SGCD: variants seen among roughly 807,000 people sequenced by gnomAD.
SGCD encodes the protein sarcoglycan delta, also known as delta-sarcoglycan.
In SGCD, 18 loss-of-function variants were observed where a neutral mutation model predicts 36.6. The ratio of observed to expected loss-of-function variants is 0.49; its 90% CI spans 0.34 to 0.73. The LOEUF (loss-of-function observed/expected upper bound fraction) is 0.73. Ranked by LOEUF, SGCD falls within the 30% of genes least tolerant of loss-of-function variation. SGCD has a pLI of 0.01. For missense variants in SGCD, 387 were observed against 346.7 expected, an observed-to-expected ratio of 1.12 and a Z score of -0.92; for synonymous variants, 133 against 130.6, an observed-to-expected ratio of 1.02 and a Z score of -0.12.
At chr5:156,192,456 A>G (rs1270361079) in intron 3 of SGCD, among the ~76,000 whole-genome samples, 2 of 152,112 alleles carry the variant, frequency 1.3e-5, no homozygotes, top group African/African-American at 4.8e-5. Context: ...AATGATAGAT[A>G]CCAAAGGCTG....
chr5:156,150,268 A>T (rs1398202345), intron 3 of SGCD, among the ~76,000 whole-genome samples: 2 of 151,824 alleles, frequency 1.3e-5, no homozygotes, highest in African/African-American at 4.9e-5. Context: ...CCCACTTGGG[A>T]TGCTTCTCAA....
intron 6 of SGCD, among the ~76,000 whole-genome samples, chr5:156,632,258 G>A (rs1174756614): frequency 6.6e-6 from 1 of 152,100 alleles, no homozygotes; most frequent in Non-Finnish European, 1.5e-5. Context: ...ATTCTGATTG[G>A]GCAGCCTAGA....
chr5:156,353,636 TG>T (rs1278945094), intron 3 of SGCD, among the ~76,000 whole-genome samples: 1 of 152,330 alleles, frequency 6.6e-6, no homozygotes, highest in East Asian at 1.9e-4. Flanking sequence ...CAGCTTAGCT[TG>T]GGGACTTGGA....
At chr5:156,652,749 G>T (rs928049146) in intron 7 of SGCD, among the ~76,000 whole-genome samples, 1 of 151,904 alleles carries the variant, frequency 6.6e-6, no homozygotes, top group Non-Finnish European at 1.5e-5. Context: ...TATTTGGGGG[G>T]TATGTTCTTT....
At position 155,954,490 on chromosome 5, in the gene SGCD, G is replaced by A. The variant is rs568575619; in HGVS notation, c.-282+84066G>A. Among the ~76,000 whole-genome samples, 43 of 150,916 alleles carry A rather than the reference G, an allele frequency of 2.8e-4. No homozygotes were observed. In the South Asian group the frequency reaches 8.3e-3, roughly 29 times the overall value. ...CATTTGATTAGCGATCTGGGCATGG[G>A]GTTAAAGCAATTCTTAGCACCCCAT... is the stretch of plus-strand genomic sequence containing the variant. On this transcript the variant is annotated intron_variant, in intron 1 of 9. Transcript: ENST00000517913.
chr5:155,744,978 A>G, the SGCD span, among the ~76,000 whole-genome samples: 2 of 152,252 alleles, frequency 1.3e-5, no homozygotes, highest in African/African-American at 4.8e-5. Context: ...TCTTAGAAGC[A>G]TTCAGAGAGC....
chr5:156,345,147 G>T (rs1350940644), intron 3 of SGCD, among the ~76,000 whole-genome samples: 1 of 152,074 alleles, frequency 6.6e-6, no homozygotes, highest in Non-Finnish European at 1.5e-5. Context: ...CCATCACTCT[G>T]GTTAGTTAAG....
intron 3 of SGCD, among the ~76,000 whole-genome samples, chr5:156,178,425 G>C (rs1763522347): frequency 6.6e-6 from 1 of 152,124 alleles, no homozygotes; most frequent in Non-Finnish European, 1.5e-5. Context: ...TTTCAGAGCA[G>C]GACTATACGA....
At chr5:156,171,593 G>A (rs559966060) in intron 3 of SGCD, among the ~76,000 whole-genome samples, 2 of 152,244 alleles carry the variant, frequency 1.3e-5, no homozygotes, top group East Asian at 1.9e-4. Context: ...TTGTGCAAAT[G>A]TTAATTTCTG....
intron 3 of SGCD, among the ~76,000 whole-genome samples, chr5:156,189,012 C>A (rs1763829211): frequency 6.6e-6 from 1 of 152,132 alleles, no homozygotes; most frequent in Non-Finnish European, 1.5e-5. Context: ...AATTTGTGTG[C>A]CTTTTCTCCA....
intron 1 of SGCD, among the ~76,000 whole-genome samples, chr5:155,966,041 T>C (rs1326755421): frequency 6.6e-6 from 1 of 152,098 alleles, no homozygotes; most frequent in Non-Finnish European, 1.5e-5. Flanking sequence ...AAATCATCAT[T>C]AAAAGGTTAC....
At chr5:155,786,347 G>A in the SGCD span, among the ~76,000 whole-genome samples, 1 of 152,100 alleles carries the variant, frequency 6.6e-6, no homozygotes, top group Non-Finnish European at 1.5e-5. Context: ...ACAGTCCCAG[G>A]TTCACATATG....
chr5:156,493,163 G>A (rs181227237), intron 3 of SGCD, among the ~76,000 whole-genome samples: 278 of 152,138 alleles, frequency 1.8e-3, no homozygotes, highest in Admixed American at 2.8e-3. Flanking sequence ...TGGTTGAAAC[G>A]ACATGATGTT....
chr5:155,735,922 G>A, the SGCD span, among the ~76,000 whole-genome samples: 1 of 152,146 alleles, frequency 6.6e-6, no homozygotes, highest in Admixed American at 6.5e-5. Context: ...AGAGATGTAT[G>A]GATGTTCATT....
chr5:156,725,004 A>G (rs1185771841), intron 7 of SGCD, among the ~76,000 whole-genome samples: 2 of 152,218 alleles, frequency 1.3e-5, no homozygotes, highest in Non-Finnish European at 2.9e-5. Context: ...GCTCTGTTGG[A>G]CTTCCACAGC....
chr5:155,931,908 T>C (rs1020682876), intron 1 of SGCD, among the ~76,000 whole-genome samples: 7 of 152,202 alleles, frequency 4.6e-5, no homozygotes, highest in Admixed American at 3.9e-4. Context: ...GCATATTCAG[T>C]GTCTGATCAG....
chr5:155,961,800 G>A (rs145292439), intron 1 of SGCD, among the ~76,000 whole-genome samples: 7,516 of 151,982 alleles, frequency 0.049, 268 homozygotes, highest in Middle Eastern at 0.11. Flanking sequence ...ACAGAGTAAT[G>A]CATATTTTCA....
intron 3 of SGCD, among the ~76,000 whole-genome samples, chr5:156,297,791 AAAAT>A (rs34901027): frequency 0.18 from 26,276 of 144,218 alleles, 2,427 homozygotes; most frequent in Admixed American, 0.22. Flanking sequence ...GTATAATAAA[AAAAT>A]AAATAAATAA....
the SGCD span, among the ~76,000 whole-genome samples, chr5:155,758,654 C>T: frequency 2.0e-5 from 3 of 152,114 alleles, no homozygotes; most frequent in African/African-American, 7.2e-5. Context: ...GTGAACTGCA[C>T]ATGTGAGGGA....
Sources: allele counts gnomAD v4.1 joint callset (sites outside exome capture counted in the v4.1 genomes callset), GRCh38; gene constraint gnomAD v4.1.1; transcripts MANE v1.5; gene names NCBI Gene and HGNC (gene_info 2026-07-23, HGNC 2026-07-21).